CD9: variants seen among roughly 807,000 people sequenced by gnomAD.
CD9 encodes the protein CD9 antigen.
A neutral mutation model predicts 31.4 loss-of-function variants in CD9; 10 were observed. That is an observed-to-expected ratio of 0.32 (90% CI 0.20 to 0.54). The LOEUF (loss-of-function observed/expected upper bound fraction) is 0.54. Among genes scored for constraint, CD9 ranks in the 20% least tolerant of loss-of-function variants. The pLI is 0.94. For synonymous variants in CD9, 113 were observed against 114.1 expected (o/e 0.99, Z 0.06); for missense variants, 259 against 300.1 (o/e 0.86, Z 1.01).
chr12:6,219,074 C>T (rs976253161), intron 1 of CD9, among the ~76,000 whole-genome samples: 1 of 152,052 alleles, frequency 6.6e-6, no homozygotes, highest in African/African-American at 2.4e-5. Context: ...GGCTCAATCT[C>T]CGCTCATTGC....
At chr12:6,225,879 T>G in intron 2 of CD9, 1 of 228,892 alleles carries the variant, frequency 4.4e-6, no homozygotes, top group African/African-American at 2.3e-5. Flanking sequence ...TTATCCTGCA[T>G]CATTTCCTTA....
Position 6,235,749 on chromosome 12 carries a change from A to G in CD9, c.537+184A>G, listed in dbSNP as rs1011551993. On this transcript the variant is annotated intron_variant, in intron 6 of 7. Transcript: ENST00000009180. ...TCTGTTTACTCAAGGGCAATAAAAC[A>G]AAGGCCGGACCAGGGGAATGACAAG... The G allele has an allele frequency of 4.3e-6, 6 of 1,410,138 alleles. No individual in the cohort carries two copies. The East Asian group carries it at 1.0e-4, about 24-fold the overall frequency. The allele number at this position is 1,410,138 out of a possible 1,614,324, so 87.4% of individuals were successfully genotyped here.
intron 1 of CD9, among the ~76,000 whole-genome samples, chr12:6,211,444 C>T (rs1264461275): frequency 2.6e-5 from 4 of 152,156 alleles, no homozygotes; most frequent in East Asian, 1.9e-4. Context: ...TTCCACCAAG[C>T]GGTGCCGGAA....
chr12:6,217,044 G>A (rs1033688110), intron 1 of CD9, among the ~76,000 whole-genome samples: 6 of 152,116 alleles, frequency 3.9e-5, no homozygotes, highest in Non-Finnish European at 7.3e-5. Context: ...CACAAACGAG[G>A]ACTGTAACGT....
chr12:6,200,873 G>C (rs1421588467), intron 1 of CD9: 1 of 307,902 alleles, frequency 3.2e-6, no homozygotes, highest in Non-Finnish European at 6.0e-6. Flanking sequence ...ATTTGAGCTG[G>C]GGTGTGTGTC....
chr12:6,234,028 A>G (rs546449227), intron 4 of CD9, among the ~76,000 whole-genome samples: 5 of 149,944 alleles, frequency 3.3e-5, no homozygotes, highest in African/African-American at 7.4e-5. Flanking sequence ...TTTATATCCA[A>G]AGTACTATGG....
At chr12:6,210,465 C>T (rs1946183022) in intron 1 of CD9, among the ~76,000 whole-genome samples, 1 of 152,160 alleles carries the variant, frequency 6.6e-6, no homozygotes, top group African/African-American at 2.4e-5. Context: ...TTTTTTTAGA[C>T]TCTCTTCGAG....
chr12:6,238,239 T>G lies in CD9; in HGVS notation c.*411T>G, dbSNP rs1946545029. ...CTTATATTGAAGACAATTTGATACATAATAAAAAATTATGACAATGTCCTG... is the reference window on the plus strand; with the variant it reads ...CTTATATTGAAGACAATTTGATACAGAATAAAAAATTATGACAATGTCCTG... On this transcript the variant is annotated 3_prime_UTR_variant, in exon 8 of 8. Transcript: ENST00000009180. 1 of 155,184 alleles carries G rather than the reference T, an allele frequency of 6.4e-6. No homozygotes were observed. Among genetic ancestry groups the G allele is most frequent in the Non-Finnish European group, 1.4e-5 (1 of 70,106 alleles). The allele number at this position is 155,184 out of a possible 1,614,324, so 9.6% of individuals were successfully genotyped here. A position where few individuals can be genotyped will look rare whatever the true frequency, so the allele number is the denominator to read the frequency against.
intron 1 of CD9, among the ~76,000 whole-genome samples, chr12:6,211,957 G>A (rs1565420294): frequency 6.6e-6 from 1 of 152,158 alleles, no homozygotes; most frequent in Non-Finnish European, 1.5e-5. Context: ...AAGGGCTCCA[G>A]GTTTTTAAAT....
At chr12:6,229,516 C>CGGGAGGGCGGGAACCAAGACGAAACCA (rs1946415472) in intron 2 of CD9, among the ~76,000 whole-genome samples, 1 of 152,190 alleles carries the variant, frequency 6.6e-6, no homozygotes. Flanking sequence ...CCCGTGAACT[C>CGGGAGGGCGGGAACCAAGACGAAACCA]GGGAGGGCGG....
At chr12:6,208,149 G>C (rs1164492271) in intron 1 of CD9, among the ~76,000 whole-genome samples, 8 of 151,918 alleles carry the variant, frequency 5.3e-5, no homozygotes, top group African/African-American at 1.9e-4. Flanking sequence ...GCTTGAACCT[G>C]GGAGGCGGCG....
chr12:6,202,562 C>T (rs892170765), intron 1 of CD9, among the ~76,000 whole-genome samples: 3 of 152,258 alleles, frequency 2.0e-5, no homozygotes, highest in East Asian at 3.8e-4. Flanking sequence ...TCCCTACCCC[C>T]ATCTGCCCCA....
chr12:6,210,448 C>A (rs940386031), intron 1 of CD9, among the ~76,000 whole-genome samples: 6 of 152,152 alleles, frequency 3.9e-5, no homozygotes, highest in African/African-American at 1.4e-4. Context: ...GAGGAAGCAC[C>A]GGCTGTTTTT....
At chr12:6,216,133 C>A (rs1946239966) in intron 1 of CD9, among the ~76,000 whole-genome samples, 1 of 152,204 alleles carries the variant, frequency 6.6e-6, no homozygotes, top group Non-Finnish European at 1.5e-5. Context: ...CAAGGCTTGG[C>A]ATGCAGTAGT....
At chr12:6,215,355 C>T (rs776898897) in intron 1 of CD9, among the ~76,000 whole-genome samples, 3 of 152,116 alleles carry the variant, frequency 2.0e-5, no homozygotes, top group Non-Finnish European at 2.9e-5. Context: ...TAAATGAAGG[C>T]CTAGAGTAGT....
At chr12:6,225,642 T>C in intron 2 of CD9, 108 bp downstream of exon 2, 1 of 693,892 alleles carries the variant, frequency 1.4e-6, no homozygotes, top group Non-Finnish European at 2.6e-6. Context: ...GAAAGACTTT[T>C]GCTCTAGCCA....
At chr12:6,208,512 T>C (rs1225287298) in intron 1 of CD9, among the ~76,000 whole-genome samples, 1 of 152,240 alleles carries the variant, frequency 6.6e-6, no homozygotes, top group Non-Finnish European at 1.5e-5. Context: ...TTATTAATTA[T>C]GAATTTATTA....
chr12:6,209,925 T>TA (rs1946175621), intron 1 of CD9, among the ~76,000 whole-genome samples: 2 of 152,200 alleles, frequency 1.3e-5, no homozygotes, highest in Non-Finnish European at 1.5e-5. Context: ...CCTCAGGTGA[T>TA]ACGCCCACCT....
intron 1 of CD9, among the ~76,000 whole-genome samples, chr12:6,205,085 C>G (rs1462591757): frequency 6.6e-6 from 1 of 152,234 alleles, no homozygotes; most frequent in East Asian, 1.9e-4. Context: ...CATGGTCTGC[C>G]TTTTCCCCCA....
Sources: gnomAD v4.1 joint callset for allele counts (sites outside exome capture counted in the v4.1 genomes callset) on GRCh38, gnomAD v4.1.1 for gene constraint, MANE v1.5 for transcripts, NCBI Gene and HGNC (gene_info 2026-07-23, HGNC 2026-07-21) for gene names.